Variants in COLQ observed in about 807,000 individuals in gnomAD.
The protein encoded by COLQ is collagen like tail subunit of asymmetric acetylcholinesterase.
COLQ carries 48 observed loss-of-function variants against 69.0 expected under a neutral mutation model. The ratio of observed to expected loss-of-function variants is 0.70; its 90% CI spans 0.55 to 0.88. COLQ has a LOEUF of 0.88. Among genes scored for constraint, COLQ ranks in the 40% least tolerant of loss-of-function variants. The probability of loss-of-function intolerance (pLI) is 0.00; values close to 1 mark genes in which losing one functional copy is unlikely to be tolerated. For synonymous variants in COLQ, 217 were observed against 211.2 expected, an observed-to-expected ratio of 1.03 and a Z score of -0.24; for missense variants, 618 against 594.6, an observed-to-expected ratio of 1.04 and a Z score of -0.41.
intron 11 of COLQ, chr3:15,467,808 G>T (rs1405670149): frequency 2.2e-6 from 1 of 455,102 alleles, no homozygotes; most frequent in South Asian, 1.6e-5. Context: ...GGAGCAGGCA[G>T]GCTTGGGACT....
At chr3:15,519,414 T>C (rs949838553) in intron 1 of COLQ, among the ~76,000 whole-genome samples, 9 of 152,224 alleles carry the variant, frequency 5.9e-5, no homozygotes, top group African/African-American at 1.7e-4. Context: ...TCTCCTTCAC[T>C]TTCTCCCTGC....
At chr3:15,510,809 CAA>C (rs1220548183) in intron 1 of COLQ, among the ~76,000 whole-genome samples, 1 of 125,164 alleles carries the variant, frequency 8.0e-6, no homozygotes, top group African/African-American at 3.2e-5. Context: ...AGAAAGAGAC[CAA>C]GAGAGAGGAA....
chr3:15,521,399 T>A lies in COLQ; in HGVS notation c.106+121A>T. ...AAGCTGCTGGGGTGGCCGTCTTCCT[T>A]CCAACCTCCCTCCACCAACAGTTGA... On this transcript the variant is annotated intron_variant, in intron 1 of 16. Transcript: ENST00000383788. 3 of 1,375,752 alleles carry A rather than the reference T, an allele frequency of 2.2e-6. No individual in the cohort carries two copies. In the South Asian group the frequency reaches 3.7e-5, roughly 17 times the overall value. 85.2% of individuals were successfully genotyped at this position (1,375,752 alleles called of 1,614,324 possible). A position where few individuals can be genotyped will look rare whatever the true frequency, so the allele number is the denominator to read the frequency against.
At chr3:15,505,944 C>T (rs1295404195) in intron 1 of COLQ, among the ~76,000 whole-genome samples, 1 of 152,236 alleles carries the variant, frequency 6.6e-6, no homozygotes, top group Admixed American at 6.5e-5. Flanking sequence ...CCCTGCACCC[C>T]CCATCCCACC....
intron 1 of COLQ, among the ~76,000 whole-genome samples, chr3:15,516,750 C>A (rs2063068229): frequency 6.6e-6 from 1 of 152,196 alleles, no homozygotes; most frequent in Admixed American, 6.5e-5. Flanking sequence ...AGAGATAAAT[C>A]AGTACCCTGG....
In COLQ at chr3:15,494,347, C is replaced by T. The variant is rs111357408; in HGVS notation, c.107-4710G>A. 8.7e-3 allele frequency among the ~76,000 whole-genome samples: 1,326 copies of T among 152,108 alleles called. 17 individuals carry two copies. Among genetic ancestry groups the T allele is most frequent in the African/African-American group, 0.027 (1,140 of 41,484 alleles). ...GAAGGGAGGGACTGATGCAGAGAAA[C>T]GGGGCCAACATGTTGCAGGAGGGAA... is the stretch of plus-strand genomic sequence containing the variant. On this transcript the variant is annotated intron_variant, in intron 1 of 16. Coordinates refer to ENST00000383788, the MANE Select transcript of COLQ (RefSeq NM_005677.4).
At chr3:15,467,870 CTGGGGGCCGTCT>C (rs1278165150) in intron 11 of COLQ, 1 of 456,746 alleles carries the variant, frequency 2.2e-6, no homozygotes, top group South Asian at 1.5e-5. Flanking sequence ...CCACATGGCA[CTGGGGGCCGTCT>C]TGGTAATGTG....
chr3:15,490,140 G>A (rs926185971), intron 1 of COLQ, among the ~76,000 whole-genome samples: 11 of 152,176 alleles, frequency 7.2e-5, no homozygotes, highest in African/African-American at 2.7e-4. Context: ...ACATTCACGT[G>A]TCACTCATTT....
At chr3:15,505,089 G>T (rs988932849) in intron 1 of COLQ, among the ~76,000 whole-genome samples, 4 of 152,198 alleles carry the variant, frequency 2.6e-5, no homozygotes, top group Admixed American at 2.0e-4. Flanking sequence ...AGAACCAGAA[G>T]ATATGTTCAC....
At chr3:15,458,044 T>A (rs1378460259) in intron 13 of COLQ, 142 bp downstream of exon 13, 5 of 858,470 alleles carry the variant, frequency 5.8e-6, no homozygotes, top group Non-Finnish European at 9.6e-6. Context: ...TTTTCTCATA[T>A]TTTCCAATTT....
chr3:15,502,455 A>G (rs947971309), intron 1 of COLQ, among the ~76,000 whole-genome samples: 4 of 149,248 alleles, frequency 2.7e-5, no homozygotes, highest in Non-Finnish European at 4.5e-5. Context: ...TCCCTCTGTC[A>G]CCTAGGCTGG....
chr3:15,482,158 A>G (rs1195859237), intron 3 of COLQ, among the ~76,000 whole-genome samples: 1 of 152,216 alleles, frequency 6.6e-6, no homozygotes. Context: ...GTCATCTGCA[A>G]ACAGGGACAA....
chr3:15,486,750 A>G (rs995203668), intron 3 of COLQ, among the ~76,000 whole-genome samples: 2 of 152,214 alleles, frequency 1.3e-5, no homozygotes, highest in African/African-American at 2.4e-5. Context: ...ACAAGTAATT[A>G]CGGAGAACCT....
intron 12 of COLQ, among the ~76,000 whole-genome samples, chr3:15,459,946 C>T (rs144304488): frequency 7.2e-5 from 11 of 152,186 alleles, no homozygotes; most frequent in African/African-American, 2.4e-4. Flanking sequence ...GGGCCATTCC[C>T]CTGCCAGATC....
intron 1 of COLQ, among the ~76,000 whole-genome samples, chr3:15,507,311 A>G (rs1196847884): frequency 6.6e-6 from 1 of 152,244 alleles, no homozygotes; most frequent in Non-Finnish European, 1.5e-5. Flanking sequence ...GTCAAAAAGT[A>G]TGGGCACTTG....
intron 14 of COLQ, 93 bp from the exon 15 acceptor site, chr3:15,456,112 T>TG: frequency 2.1e-6 from 3 of 1,436,376 alleles, no homozygotes; most frequent in Non-Finnish European, 2.9e-6. Flanking sequence ...AAGGCACTGC[T>TG]GGGGGGCATG....
At chr3:15,490,089 C>T (rs2062638907) in intron 1 of COLQ, among the ~76,000 whole-genome samples, 2 of 152,186 alleles carry the variant, frequency 1.3e-5, no homozygotes, top group Admixed American at 1.3e-4. Flanking sequence ...CACCCAGACC[C>T]ATGATTTAAA....
At chr3:15,493,182 G>A (rs936764184) in intron 1 of COLQ, among the ~76,000 whole-genome samples, 1 of 152,224 alleles carries the variant, frequency 6.6e-6, no homozygotes, top group Non-Finnish European at 1.5e-5. Context: ...GCATACTTGA[G>A]CTAGGCCTTG....
chr3:15,453,637 C>T (rs1389435137), intron 16 of COLQ, among the ~76,000 whole-genome samples, 192 bp downstream of exon 16: 2 of 152,170 alleles, frequency 1.3e-5, no homozygotes, highest in East Asian at 1.9e-4. Context: ...CTCAGTGGCA[C>T]GCAGGCAGTG....
Sources: allele counts gnomAD v4.1 joint callset (sites outside exome capture counted in the v4.1 genomes callset), GRCh38; gene constraint gnomAD v4.1.1; transcripts MANE v1.5; gene names NCBI Gene and HGNC (gene_info 2026-07-23, HGNC 2026-07-21).